SPON1: variants seen among roughly 807,000 people sequenced by gnomAD.
SPON1 encodes the protein spondin 1.
In SPON1, 52 loss-of-function variants were observed where a neutral mutation model predicts 111.7. That is an observed-to-expected ratio of 0.47 (90% CI 0.37 to 0.59). The LOEUF (loss-of-function observed/expected upper bound fraction) is 0.59, where lower values mean the gene tolerates loss of function less well. Ranked by LOEUF, SPON1 falls within the 20% of genes least tolerant of loss-of-function variation. The pLI, the probability that SPON1 is intolerant of heterozygous loss-of-function variation, is 0.00. For missense variants in SPON1, 957 were observed against 1,068.5 expected (o/e 0.90, Z 1.46); for synonymous variants, 410 against 395.8 (o/e 1.04, Z -0.43).
chr11:14,236,335 G>T (rs1417108972), intron 6 of SPON1, among the ~76,000 whole-genome samples: 1 of 152,130 alleles, frequency 6.6e-6, no homozygotes, highest in Non-Finnish European at 1.5e-5. Context: ...AGAGAAAGAG[G>T]CATCCAGGGT....
At chr11:14,164,990 G>T (rs1053195427) in intron 6 of SPON1, among the ~76,000 whole-genome samples, 3 of 152,192 alleles carry the variant, frequency 2.0e-5, no homozygotes, top group African/African-American at 7.2e-5. Flanking sequence ...GCAGTTTAGG[G>T]AGGGTCAGAA....
At chr11:14,036,237 G>T (rs1848593373) in intron 2 of SPON1, among the ~76,000 whole-genome samples, 1 of 152,146 alleles carries the variant, frequency 6.6e-6, no homozygotes. Flanking sequence ...AAAGGCCTGT[G>T]GCTTGCAGTA....
intron 6 of SPON1, among the ~76,000 whole-genome samples, chr11:14,183,378 G>A (rs782107095): frequency 1.1e-4 from 16 of 152,150 alleles, no homozygotes; most frequent in Non-Finnish European, 2.2e-4. Flanking sequence ...AACTTTCTGT[G>A]CAATTAGAGG....
intron 6 of SPON1, among the ~76,000 whole-genome samples, chr11:14,154,293 A>G (rs1847817649): frequency 6.6e-6 from 1 of 152,176 alleles, no homozygotes; most frequent in Non-Finnish European, 1.5e-5. Flanking sequence ...CCTGCAGCAG[A>G]CTTCTGCCAT....
intron 5 of SPON1, among the ~76,000 whole-genome samples, chr11:14,118,767 G>A (rs1452797642): frequency 6.6e-6 from 1 of 152,192 alleles, no homozygotes; most frequent in East Asian, 1.9e-4. Context: ...CTTGGCTCAA[G>A]CTGTGGATCC....
chr11:14,240,981 GTGATA>G (rs782347637), intron 6 of SPON1, among the ~76,000 whole-genome samples: 4 of 152,098 alleles, frequency 2.6e-5, no homozygotes, highest in Non-Finnish European at 5.9e-5. Flanking sequence ...AAAGTTTCCC[GTGATA>G]TGATATTAAG....
chr11:14,089,915 C>T (rs1416669054), intron 5 of SPON1, among the ~76,000 whole-genome samples: 1 of 152,152 alleles, frequency 6.6e-6, no homozygotes, highest in African/African-American at 2.4e-5. Flanking sequence ...TGAGTTCCGC[C>T]CAGTCTGAAC....
intron 2 of SPON1, among the ~76,000 whole-genome samples, chr11:14,010,420 A>C (rs908156538): frequency 6.6e-6 from 1 of 152,056 alleles, no homozygotes; most frequent in Admixed American, 6.5e-5. Context: ...AAGTGTAGAG[A>C]TGTAAAGGAG....
intron 1 of SPON1, among the ~76,000 whole-genome samples, chr11:13,975,941 A>G (rs1295044929): frequency 6.6e-6 from 1 of 152,172 alleles, no homozygotes; most frequent in Non-Finnish European, 1.5e-5. Context: ...ACTCACCACC[A>G]TCACCATCAC....
At chr11:14,188,266 G>A (rs904316729) in intron 6 of SPON1, among the ~76,000 whole-genome samples, 2 of 152,100 alleles carry the variant, frequency 1.3e-5, no homozygotes, top group African/African-American at 2.4e-5. Flanking sequence ...GCAAGCCAGT[G>A]AAGGTTTTAA....
At chr11:14,189,815 C>T (rs1848325721) in intron 6 of SPON1, among the ~76,000 whole-genome samples, 1 of 152,062 alleles carries the variant, frequency 6.6e-6, no homozygotes, top group African/African-American at 2.4e-5. Context: ...TCGTGGAATC[C>T]CTCAAGAGAA....
intron 5 of SPON1, among the ~76,000 whole-genome samples, chr11:14,089,234 T>C (rs1176633455): frequency 2.0e-5 from 3 of 152,164 alleles, no homozygotes; most frequent in Non-Finnish European, 4.4e-5. Flanking sequence ...ATTTTCAGCA[T>C]TTTTGCATTG....
At chr11:14,091,068 T>C (rs1485836239) in intron 5 of SPON1, among the ~76,000 whole-genome samples, 4 of 151,674 alleles carry the variant, frequency 2.6e-5, no homozygotes, top group Admixed American at 1.3e-4. Flanking sequence ...AGGGTGCTGA[T>C]TGGTGTATTT....
At chr11:14,241,077 A>G (rs1162635481) in intron 6 of SPON1, among the ~76,000 whole-genome samples, 4 of 151,472 alleles carry the variant, frequency 2.6e-5, no homozygotes, top group Admixed American at 1.3e-4. Context: ...TAATGCCTGC[A>G]CACACACACA....
chr11:14,111,436 C>T (rs997669371), intron 5 of SPON1, among the ~76,000 whole-genome samples: 8 of 152,142 alleles, frequency 5.3e-5, no homozygotes, highest in Non-Finnish European at 1.0e-4. Flanking sequence ...TGTTACTCAA[C>T]GAACTTGCTG....
intron 6 of SPON1, among the ~76,000 whole-genome samples, chr11:14,214,158 A>C (rs2133903238): frequency 6.6e-6 from 1 of 152,204 alleles, no homozygotes; most frequent in African/African-American, 2.4e-5. Context: ...TCCTTCCTTA[A>C]GTTTTAGCCT....
intron 2 of SPON1, among the ~76,000 whole-genome samples, chr11:13,985,673 C>T (rs7946735): frequency 0.022 from 3,325 of 152,050 alleles, 129 homozygotes; most frequent in African/African-American, 0.075. Context: ...TTTCTTTTTT[C>T]CCCTTAATTC....
rs1554911778 is a variant in SPON1, at chr11:13,996,100, A to G, written c.345+13147A>G. ...TCACACCTCTATTTTAAAATTTGCC[A>G]TATTTTAATGTTTTACTATATCTTC... On this transcript the variant is annotated intron_variant, in intron 2 of 15. Coordinates refer to ENST00000576479, the MANE Select transcript of SPON1 (RefSeq NM_006108.4). Among the ~76,000 whole-genome samples the G allele has an allele frequency of 2.6e-5, 4 of 152,290 alleles. No homozygotes were observed. The South Asian group carries it at 8.3e-4, about 32-fold the overall frequency.
At chr11:14,014,602 G>T (rs1261742460) in intron 2 of SPON1, among the ~76,000 whole-genome samples, 5 of 152,188 alleles carry the variant, frequency 3.3e-5, no homozygotes, top group African/African-American at 1.2e-4. Flanking sequence ...ACTGAGTGGG[G>T]CGTCACTGTG....
Sources: gnomAD v4.1 joint callset for allele counts (sites outside exome capture counted in the v4.1 genomes callset) on GRCh38, gnomAD v4.1.1 for gene constraint, MANE v1.5 for transcripts, NCBI Gene and HGNC (gene_info 2026-07-23, HGNC 2026-07-21) for gene names.